CYP7B1: variants seen among roughly 807,000 people sequenced by gnomAD.
The protein encoded by CYP7B1 is cytochrome P450 family 7 subfamily B member 1.
CYP7B1 carries 29 observed loss-of-function variants against 42.7 expected under a neutral mutation model. The ratio of observed to expected loss-of-function variants is 0.68; its 90% CI spans 0.51 to 0.93. The LOEUF (loss-of-function observed/expected upper bound fraction) is 0.93, where lower values mean the gene tolerates loss of function less well. Ranked by LOEUF, CYP7B1 falls within the 40% of genes least tolerant of loss-of-function variation. The pLI, the probability that CYP7B1 is intolerant of heterozygous loss-of-function variation, is 0.00. For synonymous variants in CYP7B1, 235 were observed against 218.2 expected, an observed-to-expected ratio of 1.08 and a Z score of -0.68; for missense variants, 655 against 600.5, an observed-to-expected ratio of 1.09 and a Z score of -0.95.
intron 5 of CYP7B1, among the ~76,000 whole-genome samples, chr8:64,603,249 AT>A (rs1196113738): frequency 6.6e-6 from 1 of 152,210 alleles, no homozygotes. Flanking sequence ...ATAAATTAGC[AT>A]ATTTTTGATT....
At chr8:64,758,491 G>T (rs1297656610) in intron 1 of CYP7B1, among the ~76,000 whole-genome samples, 4 of 151,940 alleles carry the variant, frequency 2.6e-5, no homozygotes, top group Non-Finnish European at 5.9e-5. Flanking sequence ...ATCAAACAGA[G>T]ATAATAATTT....
At chr8:64,726,520 G>T (rs1021590396) in intron 1 of CYP7B1, among the ~76,000 whole-genome samples, 22 of 152,134 alleles carry the variant, frequency 1.4e-4, no homozygotes, top group African/African-American at 4.8e-4. Flanking sequence ...TGAAGTCAGG[G>T]TTGCTGGCTG....
intron 1 of CYP7B1, among the ~76,000 whole-genome samples, chr8:64,642,350 C>T (rs943309335): frequency 6.6e-6 from 1 of 151,982 alleles, no homozygotes; most frequent in Non-Finnish European, 1.5e-5. Flanking sequence ...CAGGGTCCAC[C>T]TCGTTGGACT....
At chr8:64,599,340 C>G (rs187474205) in intron 5 of CYP7B1, among the ~76,000 whole-genome samples, 2 of 152,084 alleles carry the variant, frequency 1.3e-5, no homozygotes, top group Non-Finnish European at 2.9e-5. Flanking sequence ...AGGCGCCCAC[C>G]ACCACGCCCG....
At chr8:64,656,192 A>C (rs1013638218) in intron 1 of CYP7B1, among the ~76,000 whole-genome samples, 1 of 152,216 alleles carries the variant, frequency 6.6e-6, no homozygotes, top group African/African-American at 2.4e-5. Context: ...CGTTTCTTTT[A>C]AATAAATAAA....
intron 1 of CYP7B1, among the ~76,000 whole-genome samples, chr8:64,653,024 C>T (rs1432153736): frequency 6.6e-6 from 1 of 152,150 alleles, no homozygotes; most frequent in African/African-American, 2.4e-5. Context: ...ATTCACAGCA[C>T]TAAATATCCA....
intron 5 of CYP7B1, among the ~76,000 whole-genome samples, chr8:64,597,649 A>T (rs1257993963): frequency 6.6e-6 from 1 of 152,174 alleles, no homozygotes; most frequent in Non-Finnish European, 1.5e-5. Context: ...TGTTACAGGA[A>T]ATCATGGGAC....
chr8:64,764,781 C>T (rs1159325575), intron 1 of CYP7B1, among the ~76,000 whole-genome samples: 2 of 151,924 alleles, frequency 1.3e-5, no homozygotes, highest in Admixed American at 6.5e-5. Flanking sequence ...AGTCAAAAAG[C>T]AAAAAGGTAG....
At chr8:64,666,172 T>G (rs1806277055) in intron 1 of CYP7B1, among the ~76,000 whole-genome samples, 1 of 152,196 alleles carries the variant, frequency 6.6e-6, no homozygotes, top group Admixed American at 6.5e-5. Context: ...AAGATGTATC[T>G]CTTCTATAAC....
chr8:64,613,511 C>G (rs1187124710), intron 4 of CYP7B1, among the ~76,000 whole-genome samples: 4 of 152,106 alleles, frequency 2.6e-5, no homozygotes, highest in Non-Finnish European at 5.9e-5. Flanking sequence ...TCATAAAATG[C>G]AATGGAAACT....
intron 1 of CYP7B1, among the ~76,000 whole-genome samples, chr8:64,762,955 G>A (rs182418479): frequency 6.6e-6 from 1 of 152,300 alleles, no homozygotes; most frequent in East Asian, 1.9e-4. Flanking sequence ...TGTTATTTAT[G>A]GGCAACCCCC....
At chr8:64,600,376 A>G (rs983479168) in intron 5 of CYP7B1, among the ~76,000 whole-genome samples, 5 of 152,248 alleles carry the variant, frequency 3.3e-5, no homozygotes, top group Non-Finnish European at 1.5e-5. Flanking sequence ...TACAAGGCAT[A>G]AAACATGGTC....
chr8:64,759,726 A>G (rs7012459), intron 1 of CYP7B1, among the ~76,000 whole-genome samples: 395 of 152,324 alleles, frequency 2.6e-3, no homozygotes, highest in African/African-American at 8.9e-3. Context: ...CAGAGTGGTT[A>G]AGCTATTTAC....
At chr8:64,753,189 G>C (rs1361456569) in intron 1 of CYP7B1, among the ~76,000 whole-genome samples, 3 of 152,036 alleles carry the variant, frequency 2.0e-5, no homozygotes, top group Admixed American at 6.5e-5. Flanking sequence ...ACTTATATTT[G>C]GAAAGACTGA....
intron 1 of CYP7B1, among the ~76,000 whole-genome samples, chr8:64,773,982 G>A (rs13255280): frequency 0.11 from 16,116 of 152,238 alleles, 1,139 homozygotes; most frequent in Non-Finnish European, 0.16. Flanking sequence ...GTGGGATTAA[G>A]TTTCTAACAC....
Position 64,684,086 on chromosome 8 carries a change from G to A in CYP7B1, c.123-59547C>T, listed in dbSNP as rs751040204. Among the ~76,000 whole-genome samples, 13 of 152,088 alleles carry A rather than the reference G, an allele frequency of 8.5e-5. No homozygotes were observed. In the South Asian group the frequency reaches 1.4e-3, roughly 17 times the overall value. On this transcript the variant is annotated intron_variant, in intron 1 of 5. Coordinates refer to ENST00000310193, the MANE Select transcript of CYP7B1 (RefSeq NM_004820.5). ...CTGCTTACAGGGTATGATCTGTCTC[G>A]TCCATTAGAAGGTAAACCCCATGAG...
chr8:64,619,740 A>G (rs1412078677), intron 2 of CYP7B1, among the ~76,000 whole-genome samples: 2 of 152,308 alleles, frequency 1.3e-5, no homozygotes, highest in African/African-American at 4.8e-5. Flanking sequence ...AAGCTACATA[A>G]TTCAAAGTAT....
rs35742128 is a variant in CYP7B1 at position 64,705,229 on chromosome 8, T to TGG, written c.123-80692_123-80691dup. Among the ~76,000 whole-genome samples, 1,056 of 149,974 alleles carry TGG rather than the reference T, an allele frequency of 7.0e-3. 15 individuals are homozygous for TGG. The highest frequency in any genetic ancestry group is 0.024 in the African/African-American group (968 of 40,884). ...ATATAATCTGCATAATTCAAAAAGG[T>TGG]GGGGGGGGGAATCACCACCTTTTCA... is the stretch of plus-strand genomic sequence containing the variant. On this transcript the variant is annotated intron_variant, in intron 1 of 5. Coordinates refer to ENST00000310193, the MANE Select transcript of CYP7B1 (RefSeq NM_004820.5).
Position 64,627,810 on chromosome 8 carries a change from A to G in CYP7B1, c.123-3271T>C, listed in dbSNP as rs577675638. 4.1e-4 allele frequency among the ~76,000 whole-genome samples: 62 copies of G among 152,230 alleles called. 1 individual carries two copies. The highest frequency in any genetic ancestry group is 7.8e-4 in the Non-Finnish European group (53 of 68,026). On this transcript the variant is annotated intron_variant, in intron 1 of 5. Transcript: ENST00000310193. ...ACTGTGCATATTTTCAGGAAAAAAT[A>G]TAGTGCTTGTTCAACTTATGACCCA...
Sources: allele counts gnomAD v4.1 joint callset (sites outside exome capture counted in the v4.1 genomes callset), GRCh38; gene constraint gnomAD v4.1.1; transcripts MANE v1.5; gene names NCBI Gene and HGNC (gene_info 2026-07-23, HGNC 2026-07-21).